Variants in RFTN2 observed in about 807,000 individuals in gnomAD.
RFTN2 encodes raftlin-2.
In RFTN2, 34 loss-of-function variants were observed where a neutral mutation model predicts 52.7. That is an observed-to-expected ratio of 0.64 (90% CI 0.49 to 0.86). RFTN2 has a LOEUF of 0.86. Ranked by LOEUF, RFTN2 falls within the 40% of genes least tolerant of loss-of-function variation. The probability of loss-of-function intolerance (pLI) is 0.00; values close to 1 mark genes in which losing one functional copy is unlikely to be tolerated. For missense variants in RFTN2, 536 were observed against 600.1 expected (o/e 0.89, Z 1.12); for synonymous variants, 203 against 217.7 (o/e 0.93, Z 0.59).
intron 8 of RFTN2, among the ~76,000 whole-genome samples, chr2:197,591,514 C>T (rs911735249): frequency 7.2e-5 from 11 of 152,338 alleles, no homozygotes; most frequent in African/African-American, 2.4e-4. Flanking sequence ...TGCACTGGGG[C>T]GGCAGGTGGA....
chr2:197,640,593 TC>T (rs1380085187), intron 3 of RFTN2, among the ~76,000 whole-genome samples: 1 of 152,192 alleles, frequency 6.6e-6, no homozygotes, highest in Non-Finnish European at 1.5e-5. Context: ...CTGCTTCGGC[TC>T]GCGCACGGTG....
chr2:197,582,564 C>T (rs952396190), intron 8 of RFTN2, among the ~76,000 whole-genome samples: 1 of 152,212 alleles, frequency 6.6e-6, no homozygotes, highest in Non-Finnish European at 1.5e-5. Flanking sequence ...ACTCTGCCCC[C>T]CTCCACTACC....
rs1279950496 is a variant in RFTN2, at chr2:197,568,444, C to A, written c.*3564G>T. The A allele has an allele frequency of 6.6e-6, 1 of 152,126 alleles. No individual in the cohort carries two copies. Among genetic ancestry groups the A allele is most frequent in the South Asian group, 2.1e-4 (1 of 4,828 alleles). 9.4% of individuals were successfully genotyped at this position (152,126 alleles called of 1,614,324 possible). ...TCTCAGAACTTAAATATCTGACAGACCTGGTTCTGCAAACTTTGCACTATT... is the reference window on the plus strand; with the variant it reads ...TCTCAGAACTTAAATATCTGACAGAACTGGTTCTGCAAACTTTGCACTATT... On this transcript the variant is annotated 3_prime_UTR_variant, in exon 9 of 9. Transcript: ENST00000295049.
At chr2:197,585,187 C>T (rs1001805966) in intron 8 of RFTN2, among the ~76,000 whole-genome samples, 3 of 152,200 alleles carry the variant, frequency 2.0e-5, no homozygotes, top group Admixed American at 6.5e-5. Context: ...GAGCCTAATA[C>T]ATCCCTTCAT....
intron 3 of RFTN2, among the ~76,000 whole-genome samples, chr2:197,640,397 C>T (rs1283941301): frequency 3.3e-5 from 5 of 151,960 alleles, no homozygotes; most frequent in African/African-American, 7.2e-5. Context: ...ACTCCGTGGG[C>T]GTAGGACCCT....
intron 1 of RFTN2, among the ~76,000 whole-genome samples, chr2:197,671,264 A>C (rs2106277322): frequency 6.6e-6 from 1 of 152,322 alleles, no homozygotes; most frequent in African/African-American, 2.4e-5. Flanking sequence ...TCTGTTCACC[A>C]GCCCTTGAAC....
intron 3 of RFTN2, among the ~76,000 whole-genome samples, chr2:197,634,572 C>G (rs1362324453): frequency 6.6e-6 from 1 of 151,990 alleles, no homozygotes; most frequent in Non-Finnish European, 1.5e-5. Context: ...GGTATTGTCT[C>G]CTATGTGGGC....
intron 5 of RFTN2, among the ~76,000 whole-genome samples, chr2:197,620,997 AAAAC>A (rs147740552): frequency 0.056 from 8,541 of 152,160 alleles, 315 homozygotes; most frequent in Non-Finnish European, 0.08. Context: ...AGAAAAATGA[AAAAC>A]AAACAAAAAA....
At chr2:197,632,757 C>T (rs1007246819) in intron 4 of RFTN2, among the ~76,000 whole-genome samples, 2 of 152,064 alleles carry the variant, frequency 1.3e-5, no homozygotes, top group Non-Finnish European at 2.9e-5. Flanking sequence ...GGAGGTGGAG[C>T]TTATGTGGCT....
intron 1 of RFTN2, among the ~76,000 whole-genome samples, chr2:197,648,054 A>G (rs1442465087): frequency 6.6e-6 from 1 of 152,228 alleles, no homozygotes; most frequent in Non-Finnish European, 1.5e-5. Flanking sequence ...TTAATTCCAG[A>G]TATGAGCCTA....
At chr2:197,669,807 A>G (rs746296500) in intron 1 of RFTN2, among the ~76,000 whole-genome samples, 1 of 152,182 alleles carries the variant, frequency 6.6e-6, no homozygotes, top group African/African-American at 2.4e-5. Context: ...CCCCTGCACT[A>G]GGGTAACCAC....
At chr2:197,649,317 A>G (rs2088794464) in intron 1 of RFTN2, among the ~76,000 whole-genome samples, 1 of 152,194 alleles carries the variant, frequency 6.6e-6, no homozygotes, top group African/African-American at 2.4e-5. Context: ...TCTCTAGCAT[A>G]AGGCTTCACC....
chr2:197,605,761 C>T (rs2087951991), intron 7 of RFTN2, among the ~76,000 whole-genome samples: 1 of 152,126 alleles, frequency 6.6e-6, no homozygotes, highest in African/African-American at 2.4e-5. Context: ...TTCCAGGCAG[C>T]CACTACCAAC....
chr2:197,610,211 T>C (rs562340545), intron 7 of RFTN2, among the ~76,000 whole-genome samples: 3 of 152,366 alleles, frequency 2.0e-5, no homozygotes, highest in East Asian at 1.9e-4. Context: ...TTGGGCAGTA[T>C]GGCCATTTTC....
At chr2:197,605,459 C>T (rs976250543) in intron 7 of RFTN2, among the ~76,000 whole-genome samples, 4 of 152,176 alleles carry the variant, frequency 2.6e-5, no homozygotes, top group Non-Finnish European at 5.9e-5. Flanking sequence ...TCATGATCCG[C>T]CCGCCTTGGC....
intron 8 of RFTN2, among the ~76,000 whole-genome samples, chr2:197,587,662 A>T (rs1222279784): frequency 1.3e-5 from 2 of 152,126 alleles, no homozygotes; most frequent in Non-Finnish European, 2.9e-5. Context: ...CACCCAGGTG[A>T]TTAAAAAGCT....
intron 1 of RFTN2, among the ~76,000 whole-genome samples, chr2:197,658,616 G>A (rs1489041756): frequency 6.6e-6 from 1 of 152,112 alleles, no homozygotes; most frequent in African/African-American, 2.4e-5. Flanking sequence ...AGGAAATTAA[G>A]GGAGAGGTAA....
intron 2 of RFTN2, 104 bp downstream of exon 2, chr2:197,646,379 C>A: frequency 1.2e-6 from 1 of 829,102 alleles, no homozygotes; most frequent in Non-Finnish European, 1.9e-6. Flanking sequence ...AAACTAAAAC[C>A]CCCATGTGTC....
chr2:197,607,126 T>C (rs1234084192), intron 7 of RFTN2, among the ~76,000 whole-genome samples: 1 of 152,154 alleles, frequency 6.6e-6, no homozygotes, highest in African/African-American at 2.4e-5. Flanking sequence ...GTGGCACATA[T>C]ACATCATGGA....
Sources: gnomAD v4.1 joint callset for allele counts (sites outside exome capture counted in the v4.1 genomes callset) on GRCh38, gnomAD v4.1.1 for gene constraint, MANE v1.5 for transcripts, NCBI Gene and HGNC (gene_info 2026-07-23, HGNC 2026-07-21) for gene names.